The following ROS1 variants were observed in gnomAD, a reference collection of about 807,000 sequenced individuals.
ROS1 encodes ROS proto-oncogene 1, receptor tyrosine kinase, also known as proto-oncogene tyrosine-protein kinase ROS.
In ROS1, 263 loss-of-function variants were observed where a neutral mutation model predicts 273.5. That is an observed-to-expected ratio of 0.96 (90% CI 0.87 to 1.06). The LOEUF is 1.06. Ranked by LOEUF, ROS1 falls within the 50% of genes least tolerant of loss-of-function variation. The pLI is 0.00. For missense variants in ROS1, 2,833 were observed against 2,751.1 expected (o/e 1.03, Z -0.67); for synonymous variants, 1,008 against 954.1 (o/e 1.06, Z -1.04).
chr6:117,419,938 A>G (rs1047394226), intron 1 of ROS1, among the ~76,000 whole-genome samples: 4 of 152,092 alleles, frequency 2.6e-5, no homozygotes, highest in African/African-American at 9.7e-5. Flanking sequence ...GATTTTGTCA[A>G]CACTCTTCCC....
chr6:117,390,399 T>C (rs1231164527), intron 12 of ROS1, among the ~76,000 whole-genome samples: 1 of 152,162 alleles, frequency 6.6e-6, no homozygotes, highest in Non-Finnish European at 1.5e-5. Flanking sequence ...AGTGCTGGGA[T>C]TACAGGCATT....
At chr6:117,357,547 A>G (rs1415840356) in intron 25 of ROS1, among the ~76,000 whole-genome samples, 1 of 152,250 alleles carries the variant, frequency 6.6e-6, no homozygotes, top group East Asian at 1.9e-4. Flanking sequence ...ATTCACTAGT[A>G]TAAAAATCTG....
rs1281612889 is a variant in ROS1, at chr6:117,341,513, T to C, written c.4771A>G (p.Ile1591Val). The part of the protein sequence containing the change: ...PKESVRYQLA[I>V]SHLALIPETP... ...TCAGGAATTAGGGCCAGGTGTGAGA[T>C]TGCCAACTGATAACGGACTGATTCT... is the stretch of plus-strand genomic sequence containing the variant. The change falls in exon 30 of 44, where the codon ATC (isoleucine) becomes GTC (valine). Residue 1591 changes from isoleucine to valine, a missense_variant. Coordinates refer to ENST00000368507, the MANE Select transcript of ROS1 (RefSeq NM_001378902.1). 9 of 1,613,830 alleles carry C rather than the reference T, an allele frequency of 5.6e-6. No individual in the cohort carries two copies. The highest frequency in any genetic ancestry group is 5.5e-5 in the South Asian group (5 of 91,070).
Position 117,365,633 on chromosome 6 carries a change from G to A in ROS1, c.2906C>T (p.Ala969Val), listed in dbSNP as rs759586931. The A allele has an allele frequency of 2.4e-5, 38 of 1,612,136 alleles. No individual in the cohort carries two copies. The highest frequency in any genetic ancestry group is 3.3e-4 in the Middle Eastern group (2 of 6,082). The change falls in exon 20 of 44, where the codon GCG becomes GTG. Residue 969 changes from alanine to valine, a missense_variant. Coordinates refer to ENST00000368507, the MANE Select transcript of ROS1 (RefSeq NM_001378902.1). ...SFQILWNGPP[A>V]VDWGVVFYSV... ...GTAGAAAACTACACCCCAGTCTACC[G>A]CAGGGGGACCATTCCACAGGATTTG...
In ROS1 at chr6:117,337,302, G is replaced by T. The variant is rs771782242; in HGVS notation, c.5100C>A (p.Cys1700Ter). The T allele has an allele frequency of 6.2e-7, 1 of 1,611,046 alleles. No individual in the cohort carries two copies. Among genetic ancestry groups the T allele is most frequent in the Non-Finnish European group, 8.5e-7 (1 of 1,178,486 alleles). The change falls in exon 32 of 44, where the codon TGC (cysteine) becomes TGA (stop). Residue 1700 changes from cysteine (C) to a stop codon, truncating the protein, a stop_gained. Coordinates refer to ENST00000368507, the MANE Select transcript of ROS1 (RefSeq NM_001378902.1). LOFTEE classifies it high-confidence loss of function. ...TACAGACATAAGCAGGACCTTGGCT[G>T]CATGAAGTTTTAACATGGTAAAACT... ...YNEFYHVKTS[C>*]SQGPAYVCNI... is the part of the protein sequence containing the mutation.
At position 117,403,226 on chromosome 6, in the gene ROS1, A is replaced by T. The variant is rs180777109; in HGVS notation, c.517T>A (p.Tyr173Asn). Residue 173 changes from tyrosine (Y) to asparagine (N), a missense_variant, in exon 7 of 44, where the codon TAC becomes AAC. Tyr to Asn is a moderately radical substitution (Grantham distance 143, BLOSUM62 -2). Coordinates refer to ENST00000368507, the MANE Select transcript of ROS1 (RefSeq NM_001378902.1). ...VVKPLHPFTE[Y>N]IFRVVWIFTA... ...AAGATCCAAACCACTCGGAAAATGT[A>T]CTCAGTGAAGGGGTGCAGGGGCTTG... 1 of 1,611,964 alleles carries T rather than the reference A, an allele frequency of 6.2e-7. No homozygotes were observed.
chr6:117,408,907 C>A (rs1774656275), intron 5 of ROS1, among the ~76,000 whole-genome samples: 1 of 152,104 alleles, frequency 6.6e-6, no homozygotes, highest in Admixed American at 6.6e-5. Context: ...AGTTCCTGTC[C>A]TTTGTAGGGA....
rs1292071192 is a variant in ROS1, at chr6:117,404,275, C to G, written c.465+5G>C. 1 of 1,612,752 alleles carries G rather than the reference C, an allele frequency of 6.2e-7. No homozygotes were observed. On this transcript the variant is annotated splice_donor_5th_base_variant and intron_variant, in intron 6 of 43. Transcript: ENST00000368507. ...GGGTTGAGGTACAAAGGCAGCCTTTCATACCTTAGTATAAGTCCAGCTTCC... is the reference window on the plus strand; with the variant it reads ...GGGTTGAGGTACAAAGGCAGCCTTTGATACCTTAGTATAAGTCCAGCTTCC...
intron 5 of ROS1, among the ~76,000 whole-genome samples, chr6:117,409,069 T>TGG (rs1400913605): frequency 1.9e-5 from 1 of 53,720 alleles, no homozygotes; most frequent in Non-Finnish European, 3.4e-5. Flanking sequence ...TGTTGTGGGG[T>TGG]GGGGGGAGGG....
chr6:117,364,988 A>C, intron 21 of ROS1, 72 bp downstream of exon 21: 1 of 1,414,800 alleles, frequency 7.1e-7, no homozygotes, highest in Non-Finnish European at 9.8e-7. Flanking sequence ...TTAAATATCA[A>C]CTATCCATTC....
At chr6:117,293,568 A>C (rs1736344009) in intron 43 of ROS1, among the ~76,000 whole-genome samples, 6 of 152,106 alleles carry the variant, frequency 3.9e-5, no homozygotes. Flanking sequence ...GTAATTTTAT[A>C]TTTTTTATAA....
chr6:117,400,873 C>A (rs1313094834), intron 7 of ROS1, among the ~76,000 whole-genome samples: 1 of 152,182 alleles, frequency 6.6e-6, no homozygotes, highest in African/African-American at 2.4e-5. Flanking sequence ...GTTTGGATAC[C>A]TTCGACTTAC....
chr6:117,307,688 C>A (rs507280), intron 42 of ROS1, among the ~76,000 whole-genome samples: 1 of 151,982 alleles, frequency 6.6e-6, no homozygotes, highest in South Asian at 2.1e-4. Flanking sequence ...CAGAAACAAG[C>A]GGTAATTCCA....
intron 2 of ROS1, among the ~76,000 whole-genome samples, chr6:117,417,818 C>T (rs1204926269): frequency 2.0e-5 from 3 of 152,194 alleles, no homozygotes; most frequent in Non-Finnish European, 4.4e-5. Context: ...AAAACTCTTC[C>T]TCTTTCTAGT....
rs554255192 is a variant in ROS1 at position 117,414,798 on chromosome 6, G to A, written c.229-253C>T. Among the ~76,000 whole-genome samples, 9 of 152,338 alleles carry A rather than the reference G, an allele frequency of 5.9e-5. No homozygotes were observed. In the East Asian group the frequency reaches 1.7e-3, roughly 29 times the overall value. Reference sequence around the variant, plus strand: ...TATGATGTCCACCAGAAAAATCTCAGCAGGCTGAGGTAATCTGTGGTGGAC... The same window carrying A: ...TATGATGTCCACCAGAAAAATCTCAACAGGCTGAGGTAATCTGTGGTGGAC... On this transcript the variant is annotated intron_variant, in intron 3 of 43. Transcript: ENST00000368507.
chr6:117,357,693 T>C, intron 25 of ROS1, 111 bp downstream of exon 25: 2 of 718,572 alleles, frequency 2.8e-6, no homozygotes, highest in Non-Finnish European at 4.5e-6. Context: ...CCAAGAGCCC[T>C]AAGCATCTTA....
At chr6:117,419,242 G>T (rs1775570347) in intron 1 of ROS1, among the ~76,000 whole-genome samples, 1 of 152,176 alleles carries the variant, frequency 6.6e-6, no homozygotes, top group Non-Finnish European at 1.5e-5. Flanking sequence ...CTGCCTGCTA[G>T]AAACAGGTGT....
intron 17 of ROS1, among the ~76,000 whole-genome samples, chr6:117,380,986 C>T (rs1295322459): frequency 6.6e-6 from 1 of 151,980 alleles, no homozygotes; most frequent in Non-Finnish European, 1.5e-5. Flanking sequence ...ATTATTACTG[C>T]ATAATAAATC....
Position 117,396,956 on chromosome 6 carries a change from G to C in ROS1, c.765C>G (p.Thr255=), listed in dbSNP as rs764314792. Residue 255 remains threonine, a synonymous_variant, in exon 8 of 44, where the codon ACC becomes ACG. Transcript: ENST00000368507. ...NQKLDAGTQR[T]SFQFYSTLPN... is the part of the protein sequence containing the mutation. Reference sequence around the variant, plus strand: ...GTAAAGTGGAGTAAAACTGGAAACTGGTTCTCTGTGTCCCTGCATCTAATT... The same window carrying C: ...GTAAAGTGGAGTAAAACTGGAAACTCGTTCTCTGTGTCCCTGCATCTAATT... The C allele has an allele frequency of 1.8e-5, 29 of 1,613,922 alleles. No homozygotes were observed. The highest frequency in any genetic ancestry group is 2.2e-5 in the Non-Finnish European group (26 of 1,179,954).
Sources: gnomAD v4.1 joint callset for allele counts (sites outside exome capture counted in the v4.1 genomes callset) on GRCh38, gnomAD v4.1.1 for gene constraint, MANE v1.5 for transcripts, NCBI Gene and HGNC (gene_info 2026-07-23, HGNC 2026-07-21) for gene names.